PDLIM5: variants seen among roughly 807,000 people sequenced by gnomAD.
PDLIM5 encodes the protein PDZ and LIM domain protein 5.
A neutral mutation model predicts 64.2 loss-of-function variants in PDLIM5; 34 were observed. The observed-to-expected ratio is 0.53, with a 90% CI of 0.40 to 0.71. The LOEUF (loss-of-function observed/expected upper bound fraction) is 0.71, where lower values mean the gene tolerates loss of function less well. Ranked by LOEUF, PDLIM5 falls within the 30% of genes least tolerant of loss-of-function variation. The pLI, the probability that PDLIM5 is intolerant of heterozygous loss-of-function variation, is 0.00. For missense variants in PDLIM5, 683 were observed against 733.6 expected (o/e 0.93, Z 0.80); for synonymous variants, 253 against 269.1 (o/e 0.94, Z 0.59).
chr4:94,508,497 A>G (rs1443962451), intron 2 of PDLIM5, among the ~76,000 whole-genome samples: 1 of 152,138 alleles, frequency 6.6e-6, no homozygotes, highest in Admixed American at 6.6e-5. Flanking sequence ...CAGCTGTATA[A>G]AGGAGTCTGT....
At chr4:94,537,154 T>A (rs533166327) in intron 3 of PDLIM5, among the ~76,000 whole-genome samples, 3 of 152,332 alleles carry the variant, frequency 2.0e-5, no homozygotes, top group Non-Finnish European at 2.9e-5. Flanking sequence ...GAACTTTTAA[T>A]TTCTTGGGTA....
chr4:94,523,255 G>A (rs1169833623), intron 2 of PDLIM5, among the ~76,000 whole-genome samples: 1 of 152,126 alleles, frequency 6.6e-6, no homozygotes, highest in Non-Finnish European at 1.5e-5. Flanking sequence ...TCAACAGGAA[G>A]GATTGTTTAG....
At chr4:94,568,129 G>A (rs1460666740) in intron 3 of PDLIM5, among the ~76,000 whole-genome samples, 1 of 152,188 alleles carries the variant, frequency 6.6e-6, no homozygotes, top group African/African-American at 2.4e-5. Flanking sequence ...GTACTAGAAC[G>A]TTTGGTATAA....
At position 94,611,219 on chromosome 4, in the gene PDLIM5, T is replaced by C. The variant is rs1399384493; in HGVS notation, c.921-6785T>C. ...AAACAAGGTACTGTGGGAGCAGATA[T>C]GGCAAGTGGTGGTTCGCTGTTAAGC... On this transcript the variant is annotated intron_variant, in intron 7 of 12. Coordinates refer to ENST00000317968, the MANE Select transcript of PDLIM5 (RefSeq NM_006457.5). 7.2e-6 allele frequency: 11 copies of C among 1,529,210 alleles called. No individual in the cohort carries two copies. In the Admixed American group the frequency reaches 1.6e-4, roughly 22 times the overall value. 94.7% of individuals were successfully genotyped at this position (1,529,210 alleles called of 1,614,324 possible).
chr4:94,664,022 G>T lies in PDLIM5; in HGVS notation c.1746G>T (p.Lys582Asn). Reference protein sequence around the residue: ...SLEGQTFFSKKDKPLCKKHAH... With the variant: ...SLEGQTFFSKNDKPLCKKHAH... ...AAGGTCAGACCTTTTTCTCCAAGAA[G>T]GACAAGCCCCTGTGTAAGAAACATG... Residue 582 changes from lysine (K) to asparagine (N), a missense_variant, in exon 13 of 13, where the codon AAG becomes AAT. Physicochemically the swap from Lys to Asn is moderately conservative, Grantham distance 94. Transcript: ENST00000317968. 1 of 1,608,752 alleles carries T rather than the reference G, an allele frequency of 6.2e-7. No individual in the cohort carries two copies. Among genetic ancestry groups the T allele is most frequent in the Non-Finnish European group, 8.5e-7 (1 of 1,176,420 alleles).
chr4:94,487,727 G>C (rs1726482732), intron 2 of PDLIM5, among the ~76,000 whole-genome samples: 1 of 152,196 alleles, frequency 6.6e-6, no homozygotes, highest in African/African-American at 2.4e-5. Flanking sequence ...GTGTAGCACA[G>C]AATCATTCCT....
rs1286242040 is a variant in PDLIM5, at chr4:94,573,167, G to T, written c.249-184G>T. Among the ~76,000 whole-genome samples, 3 of 152,150 alleles carry T rather than the reference G, an allele frequency of 2.0e-5. 1 individual carries two copies. Among genetic ancestry groups the T allele is most frequent in the South Asian group, 4.1e-4 (2 of 4,834 alleles). Reference sequence around the variant, plus strand: ...AGTGTGTAAAATGTTGAATCTTGCAGCATTTGACTTACATGAATGAATTAG... The same window carrying T: ...AGTGTGTAAAATGTTGAATCTTGCATCATTTGACTTACATGAATGAATTAG... On this transcript the variant is annotated intron_variant, in intron 3 of 12. Transcript: ENST00000317968.
chr4:94,644,591 TCTCGGCTCACTGCAAC>T (rs1381754843), intron 9 of PDLIM5, among the ~76,000 whole-genome samples: 3 of 151,804 alleles, frequency 2.0e-5, no homozygotes, highest in East Asian at 1.9e-4. Context: ...AGTGGTGCGA[TCTCGGCTCACTGCAAC>T]CTCGGCTCAC....
Position 94,528,164 on chromosome 4 carries a change from A to T in PDLIM5, c.248+4289A>T, listed in dbSNP as rs544166054. Among the ~76,000 whole-genome samples, 67 of 152,238 alleles carry T rather than the reference A, an allele frequency of 4.4e-4. 1 individual carries two copies. Among genetic ancestry groups the T allele is most frequent in the African/African-American group, 1.3e-3 (54 of 41,546 alleles). On this transcript the variant is annotated intron_variant, in intron 3 of 12. Transcript: ENST00000317968. ...TCTCTTGCCTTTATGCCCTCTCATG[A>T]AATTCATTTCATCTGAAATGCCCAC...
chr4:94,592,335 T>C (rs1254683227), intron 7 of PDLIM5, among the ~76,000 whole-genome samples: 2 of 152,252 alleles, frequency 1.3e-5, no homozygotes, highest in African/African-American at 4.8e-5. Context: ...GCATTTGGAA[T>C]CTTAAGTATT....
chr4:94,652,772 G>A (rs1741938132), intron 9 of PDLIM5, among the ~76,000 whole-genome samples: 1 of 152,038 alleles, frequency 6.6e-6, no homozygotes, highest in East Asian at 1.9e-4. Context: ...TTAAGAGAAT[G>A]ATATGTACTA....
At chr4:94,542,508 A>C (rs1018912959) in intron 3 of PDLIM5, among the ~76,000 whole-genome samples, 1 of 152,144 alleles carries the variant, frequency 6.6e-6, no homozygotes, top group Admixed American at 6.6e-5. Flanking sequence ...TCAGTGATAC[A>C]TCTTACCTTC....
At chr4:94,512,942 T>C (rs1363337205) in intron 2 of PDLIM5, among the ~76,000 whole-genome samples, 1 of 152,252 alleles carries the variant, frequency 6.6e-6, no homozygotes, top group Non-Finnish European at 1.5e-5. Flanking sequence ...AATTTCATTC[T>C]TCTGCATATG....
chr4:94,512,020 G>T (rs1403892159), intron 2 of PDLIM5, among the ~76,000 whole-genome samples: 1 of 151,830 alleles, frequency 6.6e-6, no homozygotes, highest in African/African-American at 2.4e-5. Flanking sequence ...TCATACAGTG[G>T]CTCTATTTTT....
At chr4:94,455,416 G>A (rs780306053) in intron 2 of PDLIM5, 32 bp downstream of exon 2, 2 of 1,295,290 alleles carry the variant, frequency 1.5e-6, no homozygotes, top group African/African-American at 2.9e-5. Context: ...TATTATAGAT[G>A]TTCATTCAGT....
intron 8 of PDLIM5, among the ~76,000 whole-genome samples, chr4:94,631,016 T>C (rs544758933): frequency 6.6e-6 from 1 of 151,636 alleles, no homozygotes; most frequent in Admixed American, 6.6e-5. Context: ...CAAGTTATCC[T>C]CCTGCCTCAC....
chr4:94,548,861 A>C (rs1054794048), intron 3 of PDLIM5, among the ~76,000 whole-genome samples: 3 of 152,026 alleles, frequency 2.0e-5, no homozygotes, highest in African/African-American at 7.2e-5. Flanking sequence ...CTTCTGTCTC[A>C]ATTTCTTCCT....
chr4:94,594,113 A>G (rs1473150340), intron 7 of PDLIM5, among the ~76,000 whole-genome samples: 2 of 152,236 alleles, frequency 1.3e-5, no homozygotes, highest in African/African-American at 2.4e-5. Context: ...CAAAACATTA[A>G]TACCTATATT....
intron 2 of PDLIM5, among the ~76,000 whole-genome samples, chr4:94,498,858 G>A (rs2126129604): frequency 6.6e-6 from 1 of 152,256 alleles, no homozygotes; most frequent in African/African-American, 2.4e-5. Flanking sequence ...TTTTTATAAA[G>A]CCTGTTTTAC....
Sources: gnomAD v4.1 joint callset for allele counts (sites outside exome capture counted in the v4.1 genomes callset) on GRCh38, gnomAD v4.1.1 for gene constraint, MANE v1.5 for transcripts, NCBI Gene and HGNC (gene_info 2026-07-23, HGNC 2026-07-21) for gene names.